Variants in ZMIZ2 observed in about 807,000 individuals in gnomAD.
The protein encoded by ZMIZ2 is zinc finger MIZ-type containing 2.
ZMIZ2 carries 26 observed loss-of-function variants against 93.9 expected under a neutral mutation model. The observed-to-expected ratio is 0.28, with a 90% confidence interval of 0.20 to 0.38. The LOEUF (loss-of-function observed/expected upper bound fraction) is 0.38, where lower values mean the gene tolerates loss of function less well. Among genes scored for constraint, ZMIZ2 ranks in the 10% least tolerant of loss-of-function variants. ZMIZ2 has a pLI of 1.00. For missense variants in ZMIZ2, 1,023 were observed against 1,235.0 expected (o/e 0.83, Z 2.57); for synonymous variants, 485 against 516.4 (o/e 0.94, Z 0.82).
At position 44,757,830 on chromosome 7, in the gene ZMIZ2, T is replaced by G. The variant is rs1223768090; in HGVS notation, c.553-18T>G. 1.2e-5 allele frequency: 18 copies of G among 1,534,312 alleles called. No individual in the cohort carries two copies. Among genetic ancestry groups the G allele is most frequent in the Non-Finnish European group, 1.6e-5 (18 of 1,140,846 alleles). On this transcript the variant is annotated intron_variant, in intron 5 of 18. Coordinates refer to ENST00000309315, the MANE Select transcript of ZMIZ2 (RefSeq NM_031449.4). ...TTGTGGGTGGGACCTGGACCATTCT[T>G]CTTTTTTCTCTTCCTAGATGGGGGC...
At chr7:44,754,637 G>A (rs116552350) in intron 1 of ZMIZ2, among the ~76,000 whole-genome samples, 95 of 152,264 alleles carry the variant, frequency 6.2e-4, no homozygotes, top group African/African-American at 2.0e-3. Flanking sequence ...TGAGGCCCTC[G>A]GTCAGCACAA....
intron 6 of ZMIZ2, 128 bp from the exon 7 acceptor site, chr7:44,759,153 C>A: frequency 1.3e-6 from 1 of 746,928 alleles, no homozygotes; most frequent in African/African-American, 1.8e-5. Flanking sequence ...AGTGTCACAG[C>A]AGGATCTTCA....
chr7:44,766,001 A>C lies in ZMIZ2; in HGVS notation c.2243-163A>C. ...AAGGCCAATTCCCTTGGCAGCAATG[A>C]GAAGAAATGCCCTTTTCCAAATAGC... On this transcript the variant is annotated intron_variant, in intron 16 of 18. Transcript: ENST00000309315. The surrounding 1 kb of genome is among the most constrained non-coding windows in gnomAD (Gnocchi z 4.4). The C allele has an allele frequency of 7.1e-7, 1 of 1,413,254 alleles. No individual in the cohort carries two copies. The highest frequency in any genetic ancestry group is 9.2e-7 in the Non-Finnish European group (1 of 1,089,990). The allele number at this position is 1,413,254 out of a possible 1,614,324, so 87.5% of individuals were successfully genotyped here. A position where few individuals can be genotyped will look rare whatever the true frequency, so the allele number is the denominator to read the frequency against.
At position 44,765,194 on chromosome 7, in the gene ZMIZ2, G is replaced by A; in HGVS notation, c.1998-141G>A. 6.7e-7 allele frequency: 1 copy of A among 1,499,310 alleles called. No homozygotes were observed. The allele number at this position is 1,499,310 out of a possible 1,614,324, so 92.9% of individuals were successfully genotyped here. On this transcript the variant is annotated intron_variant, in intron 15 of 18. Transcript: ENST00000309315. This position sits in a 1 kb window ranked among gnomAD's most constrained non-coding sequence, Gnocchi z 4.1. Reference sequence around the variant, plus strand: ...GTGTTGGTGCTGGGCCCAGCGTCCTGCTCGATGTGGAAGGTGCTGGGTGGA... The same window carrying A: ...GTGTTGGTGCTGGGCCCAGCGTCCTACTCGATGTGGAAGGTGCTGGGTGGA...
chr7:44,756,089 A>C, intron 1 of ZMIZ2, 99 bp from the exon 2 acceptor site: 1 of 918,386 alleles, frequency 1.1e-6, no homozygotes, highest in East Asian at 2.6e-5. Flanking sequence ...TCCCTTATTG[A>C]GAAAGAGGTG....
At chr7:44,756,770 C>A (rs1236881449) in intron 3 of ZMIZ2, 177 bp from the exon 4 acceptor site, 1 of 858,680 alleles carries the variant, frequency 1.2e-6, no homozygotes. Context: ...CTAGCCTTCA[C>A]AAAATGCCCC....
chr7:44,759,490 G>A (rs760126220), intron 7 of ZMIZ2, 30 bp downstream of exon 7: 15 of 1,434,804 alleles, frequency 1.0e-5, no homozygotes, highest in South Asian at 1.6e-5. Flanking sequence ...GCCCTGTGCC[G>A]GGCTCCGTGC....
chr7:44,756,996 T>C lies in ZMIZ2; in HGVS notation c.215T>C (p.Met72Thr). Residue 72 changes from methionine (M) to threonine (T), a missense_variant, in exon 4 of 19, where the codon ATG (methionine) becomes ACG (threonine). This residue lies in a region of ZMIZ2 where 656 missense variants were observed against 777.1 expected (regional missense o/e 0.84). Coordinates refer to ENST00000309315, the MANE Select transcript of ZMIZ2 (RefSeq NM_031449.4). ...GPAGSPSGSS[M>T]MPGVAGGSSA... ...GCAGGGAGTCCCTCTGGCAGCTCCA[T>C]GATGCCTGGTGTGGCAGGGGGCAGC... 5 of 1,612,624 alleles carry C rather than the reference T, an allele frequency of 3.1e-6. No homozygotes were observed. Among genetic ancestry groups the C allele is most frequent in the South Asian group, 2.2e-5 (2 of 91,000 alleles).
intron 7 of ZMIZ2, 192 bp from the exon 8 acceptor site, chr7:44,759,959 C>A: frequency 1.5e-6 from 1 of 650,176 alleles, no homozygotes; most frequent in Non-Finnish European, 2.6e-6. Flanking sequence ...TTTGTCTTTT[C>A]AGCCCCTCCA....
chr7:44,763,567 C>T lies in ZMIZ2; in HGVS notation c.1860+154C>T. The T allele has an allele frequency of 9.8e-7, 1 of 1,017,680 alleles. No individual in the cohort carries two copies. The allele number at this position is 1,017,680 out of a possible 1,614,324, so 63.0% of individuals were successfully genotyped here. ...CTCCCACGCCAAGGAGGCAGGTGGG[C>T]CTGGCTCCCCCAAGACTAGGCTATT... On this transcript the variant is annotated intron_variant, in intron 13 of 18. Coordinates refer to ENST00000309315, the MANE Select transcript of ZMIZ2 (RefSeq NM_031449.4). The surrounding 1 kb of genome is among the most constrained non-coding windows in gnomAD (Gnocchi z 5.6).
At chr7:44,754,245 A>G (rs987927287) in intron 1 of ZMIZ2, among the ~76,000 whole-genome samples, 2 of 152,078 alleles carry the variant, frequency 1.3e-5, no homozygotes, top group African/African-American at 4.8e-5. Flanking sequence ...GGGCCATCTC[A>G]GCTCCCAGGC....
At chr7:44,759,673 T>C (rs1790969445) in intron 7 of ZMIZ2, 2 of 459,458 alleles carry the variant, frequency 4.4e-6, no homozygotes, top group South Asian at 1.0e-4. Context: ...GCTCCTGGGG[T>C]TTGGGATCCA....
At position 44,756,553 on chromosome 7, in the gene ZMIZ2, G is replaced by C. The variant is rs1479289464; in HGVS notation, c.165+14G>C. ...ACACAGAGCCAGGTAAGCACCCACT[G>C]GTGCCCCACCCCCGAGCAGACAGAG... On this transcript the variant is annotated intron_variant, in intron 3 of 18. Coordinates refer to ENST00000309315, the MANE Select transcript of ZMIZ2 (RefSeq NM_031449.4). 1 of 1,613,554 alleles carries C rather than the reference G, an allele frequency of 6.2e-7. No individual in the cohort carries two copies. Among genetic ancestry groups the C allele is most frequent in the Non-Finnish European group, 8.5e-7 (1 of 1,179,734 alleles).
In ZMIZ2 at chr7:44,761,662, G is replaced by A. The variant is rs752371721; in HGVS notation, c.1386-33G>A. On this transcript the variant is annotated intron_variant, in intron 10 of 18. Coordinates refer to ENST00000309315, the MANE Select transcript of ZMIZ2 (RefSeq NM_031449.4). This position sits in a 1 kb window ranked among gnomAD's most constrained non-coding sequence, Gnocchi z 5.8. ...TCCTCCTCCCACACTCTCAGGGCCC[G>A]TTTTCTGGGTGTCCACCCATCTTCC... The A allele has an allele frequency of 8.7e-6, 14 of 1,613,630 alleles. No individual in the cohort carries two copies. The South Asian group carries it at 1.2e-4, about 14-fold the overall frequency.
intron 1 of ZMIZ2, among the ~76,000 whole-genome samples, chr7:44,752,670 C>A (rs757995598): frequency 2.0e-5 from 3 of 152,134 alleles, no homozygotes; most frequent in Non-Finnish European, 4.4e-5. Flanking sequence ...GGAGATTCAT[C>A]CAGGTTGTTG....
chr7:44,759,529 G>C (rs1790952055), intron 7 of ZMIZ2, 69 bp downstream of exon 7: 5 of 1,314,576 alleles, frequency 3.8e-6, no homozygotes, highest in Non-Finnish European at 4.9e-6. Flanking sequence ...GGACCTTGGG[G>C]CAGTCCTGTC....
At chr7:44,749,019 G>T in intron 1 of ZMIZ2, 28 bp downstream of exon 1, 1 of 152,130 alleles carries the variant, frequency 6.6e-6, no homozygotes, top group South Asian at 1.9e-4. Context: ...GGTGGCCCCT[G>T]GCAACGCCGC....
intron 1 of ZMIZ2, chr7:44,751,135 A>G (rs967327339): frequency 1.3e-5 from 2 of 152,278 alleles, no homozygotes; most frequent in Non-Finnish European, 2.9e-5. Context: ...CTCTGTCCAC[A>G]GCAGAGAACC....
chr7:44,756,684 C>T (rs1790624593), intron 3 of ZMIZ2, 145 bp downstream of exon 3: 9 of 868,494 alleles, frequency 1.0e-5, no homozygotes, highest in Non-Finnish European at 1.6e-5. Flanking sequence ...AGGATGGGGC[C>T]TCCTGAGTCC....
Sources: allele counts gnomAD v4.1 joint callset (sites outside exome capture counted in the v4.1 genomes callset), GRCh38; gene constraint gnomAD v4.1.1; regional missense constraint gnomAD v4.1.1; non-coding constraint Gnocchi (gnomAD v3.1); transcripts MANE v1.5; gene names NCBI Gene and HGNC (gene_info 2026-07-23, HGNC 2026-07-21).